The following LIFR variants were observed in gnomAD, a reference collection of about 807,000 sequenced individuals.
The protein encoded by LIFR is leukemia inhibitory factor receptor.
In LIFR, 84 loss-of-function variants were observed where a neutral mutation model predicts 122.2. That is an observed-to-expected ratio of 0.69 (90% CI 0.58 to 0.82). The LOEUF is 0.82. Ranked by LOEUF, LIFR falls within the 40% of genes least tolerant of loss-of-function variation. The probability of loss-of-function intolerance (pLI) is 0.00; values close to 1 mark genes in which losing one functional copy is unlikely to be tolerated. For missense variants in LIFR, 1,294 were observed against 1,311.6 expected (o/e 0.99, Z 0.21); for synonymous variants, 422 against 434.7 (o/e 0.97, Z 0.36).
chr5:38,510,352 T>C (rs1299092521), intron 7 of LIFR, 112 bp downstream of exon 7: 5 of 1,004,094 alleles, frequency 5.0e-6, no homozygotes, highest in East Asian at 2.5e-5. Flanking sequence ...AACAAAGAAA[T>C]GAGAAAGAAA....
At chr5:38,590,520 T>A (rs1749889811) in intron 1 of LIFR, among the ~76,000 whole-genome samples, 1 of 152,206 alleles carries the variant, frequency 6.6e-6, no homozygotes, top group South Asian at 2.1e-4. Context: ...AAGGACCACC[T>A]ATGACTGATA....
upstream of LIFR, among the ~76,000 whole-genome samples, chr5:38,560,218 G>A (rs1385839232): frequency 6.6e-6 from 1 of 151,922 alleles, no homozygotes; most frequent in Non-Finnish European, 1.5e-5. Flanking sequence ...ATTAACCGGT[G>A]AATAATTGAA....
rs769058491 is a variant in LIFR, at chr5:38,502,715, G to A, written c.1522C>T (p.Arg508Trp). 13 of 1,611,316 alleles carry A rather than the reference G, an allele frequency of 8.1e-6. No homozygotes were observed. The highest frequency in any genetic ancestry group is 1.3e-5 in the African/African-American group (1 of 74,812). ...KLNPYTLYTFRIRCSTETFWK... is the reference protein window; with the variant it reads ...KLNPYTLYTFWIRCSTETFWK... ...AAAGTTTCAGTAGAACAACGAATCCGAAAAGTATATAGAGTGTATGGATTT... is the reference window on the plus strand; with the variant it reads ...AAAGTTTCAGTAGAACAACGAATCCAAAAAGTATATAGAGTGTATGGATTT... Residue 508 changes from arginine (R) to tryptophan (W), a missense_variant, in exon 11 of 20, where the codon CGG becomes TGG. Transcript: ENST00000453190.
chr5:38,506,714 C>T lies in LIFR; in HGVS notation c.992-82G>A, dbSNP rs565497079. 7 of 1,155,740 alleles carry T rather than the reference C, an allele frequency of 6.1e-6. No homozygotes were observed. In the African/African-American group the frequency reaches 6.2e-5, roughly 10 times the overall value. 71.6% of individuals were successfully genotyped at this position (1,155,740 alleles called of 1,614,324 possible). On this transcript the variant is annotated intron_variant, in intron 7 of 19. Transcript: ENST00000453190. ...ATATTTTATAAACGTCAATGTTTTC[C>T]ACAATTTCCTAAAAAATGAAATAAT...
At chr5:38,581,701 G>A (rs1749587630) in intron 1 of LIFR, among the ~76,000 whole-genome samples, 2 of 152,172 alleles carry the variant, frequency 1.3e-5, no homozygotes, top group Non-Finnish European at 2.9e-5. Context: ...GGAATGTCAC[G>A]ATGAATTTTG....
chr5:38,512,279 T>G (rs1044673777), intron 5 of LIFR, among the ~76,000 whole-genome samples: 4 of 152,056 alleles, frequency 2.6e-5, no homozygotes, highest in Non-Finnish European at 4.4e-5. Context: ...TTGCACCTTT[T>G]CAGATTGCAT....
chr5:38,511,993 AT>A lies in LIFR; in HGVS notation c.562-30del, dbSNP rs777044026. ...AAAATGAACACAAACACAAAACTGT[AT>A]TTCCAAGTAGCAATATGTTTTGCTT... On this transcript the variant is annotated intron_variant, in intron 5 of 19. Transcript: ENST00000453190. 8.3e-5 allele frequency: 134 copies of A among 1,608,346 alleles called. 1 individual carries two copies. In the South Asian group the frequency reaches 1.4e-3, roughly 17 times the overall value.
At chr5:38,500,686 C>T (rs1438786501) in intron 11 of LIFR, among the ~76,000 whole-genome samples, 1 of 152,120 alleles carries the variant, frequency 6.6e-6, no homozygotes, top group African/African-American at 2.4e-5. Flanking sequence ...ATGCCTTCAT[C>T]TTAATGAGGT....
intron 1 of LIFR, among the ~76,000 whole-genome samples, chr5:38,562,882 C>T (rs945932914): frequency 1.3e-5 from 2 of 152,190 alleles, no homozygotes; most frequent in Non-Finnish European, 2.9e-5. Context: ...AGGCATAATT[C>T]AAGGTCTCTG....
chr5:38,496,237 G>A (rs1744867782), intron 13 of LIFR, 145 bp downstream of exon 13: 2 of 712,036 alleles, frequency 2.8e-6, no homozygotes. Flanking sequence ...ATGAACTGTA[G>A]ACATCAATCT....
intron 1 of LIFR, among the ~76,000 whole-genome samples, chr5:38,550,957 T>G (rs895472995): frequency 6.6e-6 from 1 of 152,180 alleles, no homozygotes; most frequent in Non-Finnish European, 1.5e-5. Flanking sequence ...AGTGCTTAAT[T>G]TTCTATTATT....
chr5:38,483,202 C>G (rs947110760), intron 18 of LIFR, among the ~76,000 whole-genome samples: 3 of 152,122 alleles, frequency 2.0e-5, no homozygotes, highest in Non-Finnish European at 4.4e-5. Context: ...AAGAAAAAGG[C>G]TATTAATCTT....
chr5:38,535,472 C>T (rs1352925611), intron 1 of LIFR, among the ~76,000 whole-genome samples: 3 of 152,172 alleles, frequency 2.0e-5, no homozygotes, highest in Non-Finnish European at 4.4e-5. Flanking sequence ...AACACAGCCA[C>T]GCCCACTAGT....
At chr5:38,606,562 T>C (rs914388095) in intron 1 of LIFR, among the ~76,000 whole-genome samples, 15 of 152,216 alleles carry the variant, frequency 9.9e-5, no homozygotes, top group Admixed American at 1.3e-4. Context: ...ATTATCTATA[T>C]TGCCGGCACC....
upstream of LIFR, chr5:38,557,950 C>G (rs570420674): frequency 2.6e-5 from 4 of 152,184 alleles, no homozygotes; most frequent in East Asian, 7.7e-4. Context: ...AAGATGTTTA[C>G]CCTTATTCTT....
chr5:38,482,149 G>A lies in LIFR; in HGVS notation c.2740C>T (p.Arg914Ter). 1 of 1,585,162 alleles carries A rather than the reference G, an allele frequency of 6.3e-7. No homozygotes were observed. Among genetic ancestry groups the A allele is most frequent in the Non-Finnish European group, 8.5e-7 (1 of 1,171,090 alleles). The change falls in exon 20 of 20, where the codon CGA (arginine) becomes TGA (stop). Residue 914 changes from arginine to a stop codon, truncating the protein, a stop_gained. Transcript: ENST00000453190. LOFTEE classifies it high-confidence loss of function. Reference sequence around the variant, plus strand: ...TCTTCTATTTTAGGAAATGCTGATCGAGTTTCCAGAACCTCAACATTATTT... The same window carrying A: ...TCTTCTATTTTAGGAAATGCTGATCAAGTTTCCAGAACCTCAACATTATTT... ...TPNNVEVLET[R>*]SAFPKIEDTE...
At chr5:38,503,218 T>C (rs1480862073) in intron 10 of LIFR, among the ~76,000 whole-genome samples, 1 of 152,192 alleles carries the variant, frequency 6.6e-6, no homozygotes, top group Non-Finnish European at 1.5e-5. Context: ...TATTTGGAAG[T>C]TTCTTGGAGG....
chr5:38,548,951 A>T (rs1748044063), intron 1 of LIFR, among the ~76,000 whole-genome samples: 1 of 152,152 alleles, frequency 6.6e-6, no homozygotes, highest in Non-Finnish European at 1.5e-5. Flanking sequence ...ATATCAGATC[A>T]GTGAGATCAA....
rs762360996 is a variant in LIFR, at chr5:38,496,491, G to C, written c.1776C>G (p.His592Gln). Residue 592 changes from histidine to glutamine, a missense_variant, in exon 13 of 20, where the codon CAC (histidine) becomes CAG (glutamine). Transcript: ENST00000453190. The part of the protein sequence containing the change: ...QSLSEIPDPQ[H>Q]KAEIRLDKND... ...TCTTATCAAGTCGTATCTCTGCTTTGTGCTGAGGATCAGGGATTTCAGAAA... is the reference window on the plus strand; with the variant it reads ...TCTTATCAAGTCGTATCTCTGCTTTCTGCTGAGGATCAGGGATTTCAGAAA... 2.5e-6 allele frequency: 4 copies of C among 1,613,432 alleles called. No homozygotes were observed. In the East Asian group the frequency reaches 8.9e-5, roughly 36 times the overall value.
Sources: gnomAD v4.1 joint callset for allele counts (sites outside exome capture counted in the v4.1 genomes callset) on GRCh38, gnomAD v4.1.1 for gene constraint, MANE v1.5 for transcripts, NCBI Gene and HGNC (gene_info 2026-07-23, HGNC 2026-07-21) for gene names.